TAOK1: variants seen among roughly 807,000 people sequenced by gnomAD.
The protein encoded by TAOK1 is serine/threonine-protein kinase TAO1.
TAOK1 carries 21 observed loss-of-function variants against 138.3 expected under a neutral mutation model. The ratio of observed to expected loss-of-function variants is 0.15; its 90% CI spans 0.11 to 0.22. The LOEUF (loss-of-function observed/expected upper bound fraction) is 0.22. Among genes scored for constraint, TAOK1 ranks in the 10% least tolerant of loss-of-function variants. The pLI is 1.00. For missense variants in TAOK1, 651 were observed against 1,227.7 expected (o/e 0.53, Z 7.02); for synonymous variants, 361 against 398.4 (o/e 0.91, Z 1.12).
chr17:29,407,472 GTC>G (rs1905026211), intron 1 of TAOK1, among the ~76,000 whole-genome samples: 1 of 151,934 alleles, frequency 6.6e-6, no homozygotes, highest in Non-Finnish European at 1.5e-5. Context: ...TTGAGACAGA[GTC>G]TCACTCTGTC....
At position 29,530,493 on chromosome 17, in the gene TAOK1, G is replaced by A. The variant is rs1157902617; in HGVS notation, c.2235G>A (p.Leu745=). The A allele has an allele frequency of 6.2e-7, 1 of 1,614,098 alleles. No homozygotes were observed. Among genetic ancestry groups the A allele is most frequent in the Non-Finnish European group, 8.5e-7 (1 of 1,180,028 alleles). Reference sequence around the variant, plus strand: ...ACAAAGCATTAAGAAATCACCTGCTGGAGACTACACCAAAGAGTGAGCACA... The same window carrying A: ...ACAAAGCATTAAGAAATCACCTGCTAGAGACTACACCAAAGAGTGAGCACA... ...RQYKALRNHL[L]ETTPKSEHKA... is the part of the protein sequence containing the mutation. The change falls in exon 18 of 20, where the codon CTG becomes CTA. Residue 745 remains leucine, a synonymous_variant. Transcript: ENST00000261716.
intron 1 of TAOK1, among the ~76,000 whole-genome samples, chr17:29,396,990 C>CAAAAAA (rs555104841): frequency 1.4e-5 from 1 of 69,546 alleles, no homozygotes; most frequent in African/African-American, 6.8e-5. Flanking sequence ...AACTCTGTCT[C>CAAAAAA]AAAAAAAAAA....
At chr17:29,407,738 T>A (rs1905033327) in intron 1 of TAOK1, among the ~76,000 whole-genome samples, 1 of 151,998 alleles carries the variant, frequency 6.6e-6, no homozygotes, top group African/African-American at 2.4e-5. Context: ...TGAGCCACAA[T>A]GCCCAACTGA....
At chr17:29,541,266 C>T (rs1038758091) in intron 19 of TAOK1, among the ~76,000 whole-genome samples, 5 of 149,742 alleles carry the variant, frequency 3.3e-5, no homozygotes, top group Non-Finnish European at 7.4e-5. Flanking sequence ...TGTGCCACCG[C>T]GCCTGGCTAA....
chr17:29,441,696 C>T (rs1054011102), intron 1 of TAOK1, among the ~76,000 whole-genome samples: 5 of 152,042 alleles, frequency 3.3e-5, no homozygotes, highest in South Asian at 2.1e-4. Flanking sequence ...GGTGAAGAAT[C>T]GAGACCATCC....
chr17:29,536,289 ACT>A (rs1349316124), intron 19 of TAOK1, among the ~76,000 whole-genome samples: 2 of 150,798 alleles, frequency 1.3e-5, no homozygotes, highest in Admixed American at 6.6e-5. Context: ...ACAGAGCGAG[ACT>A]CTGTCTCAAA....
intron 18 of TAOK1, 93 bp downstream of exon 18, chr17:29,530,712 A>G (rs1251672040): frequency 1.4e-5 from 14 of 1,033,800 alleles, no homozygotes; most frequent in Admixed American, 1.3e-4. Context: ...CTAGTTGGAA[A>G]TGATAGCTCT....
chr17:29,402,913 G>A (rs1310594857), intron 1 of TAOK1, among the ~76,000 whole-genome samples: 1 of 151,336 alleles, frequency 6.6e-6, no homozygotes, highest in East Asian at 1.9e-4. Context: ...AGTGGCTTAC[G>A]CCTGTAAGCC....
chr17:29,408,515 C>A (rs528028867), intron 1 of TAOK1, among the ~76,000 whole-genome samples: 1 of 152,000 alleles, frequency 6.6e-6, no homozygotes, highest in African/African-American at 2.4e-5. Context: ...TGCGCCTGGC[C>A]CATAACGTTT....
At chr17:29,480,076 C>A (rs552485341) in intron 6 of TAOK1, 1 of 191,312 alleles carries the variant, frequency 5.2e-6, no homozygotes, top group East Asian at 1.2e-4. Flanking sequence ...ACCATTGTTT[C>A]TACCAATAAA....
chr17:29,531,347 C>T (rs2032103974), intron 18 of TAOK1, among the ~76,000 whole-genome samples: 1 of 151,980 alleles, frequency 6.6e-6, no homozygotes, highest in Non-Finnish European at 1.5e-5. Flanking sequence ...AGTGCGATCT[C>T]AACTCACTGC....
intron 6 of TAOK1, among the ~76,000 whole-genome samples, chr17:29,479,409 A>C (rs891773296): frequency 2.6e-5 from 4 of 152,130 alleles, no homozygotes; most frequent in Non-Finnish European, 5.9e-5. Flanking sequence ...AAGATCTGAG[A>C]GATACCCACA....
intron 8 of TAOK1, 127 bp from the exon 9 acceptor site, chr17:29,489,537 C>T: frequency 1.6e-6 from 1 of 613,434 alleles, no homozygotes; most frequent in South Asian, 2.6e-5. Context: ...ACTCTACTTG[C>T]AATTTTTTGT....
intron 2 of TAOK1, among the ~76,000 whole-genome samples, chr17:29,466,209 T>C (rs930967968): frequency 6.6e-6 from 1 of 152,200 alleles, no homozygotes; most frequent in African/African-American, 2.4e-5. Context: ...AGTGGCACGG[T>C]CATGGCTCAC....
In TAOK1 at chr17:29,542,546, TCCAA is replaced by T; in HGVS notation, c.2545-14_2545-11del. The stretch of plus-strand genomic sequence containing the variant: ...ATAATAAATTGGCTTTCATTTTTCT[TCCAA>T]TCTCCAACAGATTGAAGAAGAGATG... On this transcript the variant is annotated splice_polypyrimidine_tract_variant and intron_variant, in intron 19 of 19. Transcript: ENST00000261716. 1 of 1,545,206 alleles carries T rather than the reference TCCAA, an allele frequency of 6.5e-7. No individual in the cohort carries two copies.
At chr17:29,534,322 A>G (rs148540843) in intron 19 of TAOK1, 22 bp downstream of exon 19, 9 of 1,491,940 alleles carry the variant, frequency 6.0e-6, no homozygotes, top group Non-Finnish European at 8.0e-6. Flanking sequence ...AGAAGGAAAA[A>G]TCATTGTTTT....
At chr17:29,493,926 T>G (rs933152632) in intron 10 of TAOK1, among the ~76,000 whole-genome samples, 32 of 152,044 alleles carry the variant, frequency 2.1e-4, no homozygotes, top group Admixed American at 1.3e-3. Flanking sequence ...TTATTTTTTT[T>G]TTGTTTTTGA....
chr17:29,411,052 A>G (rs1905129726), intron 1 of TAOK1, among the ~76,000 whole-genome samples: 1 of 141,896 alleles, frequency 7.0e-6, no homozygotes, highest in Non-Finnish European at 1.5e-5. Flanking sequence ...CTGATTTTTT[A>G]CTTCTACAAA....
rs772172716 is a variant in TAOK1 at position 29,478,350 on chromosome 17, A to G, written c.449+3A>G. ...CATTCTCATACTATGATTCATAGGT[A>G]AGTGCTTTGGAAATTATATATTGAT... is the stretch of plus-strand genomic sequence containing the variant. On this transcript the variant is annotated splice_donor_region_variant and intron_variant, in intron 6 of 19. Transcript: ENST00000261716. 5 of 1,560,584 alleles carry G rather than the reference A, an allele frequency of 3.2e-6. No individual in the cohort carries two copies. Among genetic ancestry groups the G allele is most frequent in the Non-Finnish European group, 4.3e-6 (5 of 1,156,994 alleles).
Sources: allele counts gnomAD v4.1 joint callset (sites outside exome capture counted in the v4.1 genomes callset), GRCh38; gene constraint gnomAD v4.1.1; transcripts MANE v1.5; gene names NCBI Gene and HGNC (gene_info 2026-07-23, HGNC 2026-07-21).